The following SRPX variants were observed in gnomAD, a reference collection of about 807,000 sequenced individuals.
SRPX encodes the protein sushi repeat-containing protein SRPX.
A neutral mutation model predicts 38.1 loss-of-function variants in SRPX; 24 were observed. That is an observed-to-expected ratio of 0.63 (90% CI 0.46 to 0.89). The LOEUF (loss-of-function observed/expected upper bound fraction) is 0.89, where lower values mean the gene tolerates loss of function less well. Ranked by LOEUF, SRPX falls within the 40% of genes least tolerant of loss-of-function variation. The pLI is 0.00. For missense variants in SRPX, 416 were observed against 377.8 expected (o/e 1.10, Z -0.84); for synonymous variants, 184 against 153.8 (o/e 1.20, Z -1.45).
Position 38,220,715 on chromosome X carries a change from C to T in SRPX, c.78G>A (p.Pro26=). The T allele has an allele frequency of 1.7e-6, 2 of 1,168,989 alleles. No homozygotes were observed. The highest frequency in any genetic ancestry group is 1.1e-6 in the Non-Finnish European group (1 of 878,595). ...TCCTACCTGGGAAGCTGCGGCTGGG[C>T]GGGACGCGCAGCAGCAGCAGCAGCA... The part of the protein sequence containing the change: ...PLLLLLLLRV[P]PSRSFPGSGD... Residue 26 remains proline, a synonymous_variant, in exon 1 of 10, where the codon CCG becomes CCA. Coordinates refer to ENST00000378533, the MANE Select transcript of SRPX (RefSeq NM_006307.5).
intron 1 of SRPX, among the ~76,000 whole-genome samples, chrX:38,220,259 G>T (rs980090306): frequency 8.8e-6 from 1 of 113,802 alleles, no homozygotes; most frequent in African/African-American, 3.2e-5. Context: ...CAAGGGGGTA[G>T]CCTGGGACGT....
At chrX:38,171,176 G>A (rs1439804393) in intron 4 of SRPX, among the ~76,000 whole-genome samples, 1 of 111,190 alleles carries the variant, frequency 9.0e-6, no homozygotes, top group African/African-American at 3.3e-5. Flanking sequence ...TTTTTCCCAA[G>A]GTCCCTAGAG....
intron 3 of SRPX, among the ~76,000 whole-genome samples, chrX:38,173,701 C>T (rs762277570): frequency 8.9e-6 from 1 of 111,806 alleles, no homozygotes; most frequent in East Asian, 2.8e-4. Context: ...CCACCCGCCT[C>T]GGCCTCCCAA....
At chrX:38,199,596 T>A (rs983831644) in intron 1 of SRPX, among the ~76,000 whole-genome samples, 4 of 110,285 alleles carry the variant, frequency 3.6e-5, no homozygotes, top group Non-Finnish European at 5.7e-5. Context: ...CTCAGGAGCC[T>A]TAGTTTCTTC....
chrX:38,180,195 C>T (rs1938642129), intron 1 of SRPX, among the ~76,000 whole-genome samples: 1 of 111,588 alleles, frequency 9.0e-6, no homozygotes, highest in Non-Finnish European at 1.9e-5. Flanking sequence ...ATTTTGCCCT[C>T]GGTTGTCATC....
At chrX:38,206,327 T>C (rs1315860084) in intron 1 of SRPX, among the ~76,000 whole-genome samples, 3 of 112,187 alleles carry the variant, frequency 2.7e-5, no homozygotes, top group Admixed American at 1.9e-4. Context: ...GACAACACCA[T>C]GTGAACCAGA....
At chrX:38,173,986 T>C in intron 3 of SRPX, among the ~76,000 whole-genome samples, 174 bp downstream of exon 3, 1 of 112,315 alleles carries the variant, frequency 8.9e-6, no homozygotes, top group Non-Finnish European at 1.9e-5. Flanking sequence ...GATCATATCA[T>C]TCTCTCTGAG....
chrX:38,219,007 G>C (rs1228158857), intron 1 of SRPX, among the ~76,000 whole-genome samples: 1 of 111,049 alleles, frequency 9.0e-6, no homozygotes, highest in Non-Finnish European at 1.9e-5. Context: ...GCAGGAACAT[G>C]GTGGCTAAAA....
At chrX:38,150,248 A>AC (rs1355586101) in intron 9 of SRPX, among the ~76,000 whole-genome samples, 1 of 112,488 alleles carries the variant, frequency 8.9e-6, no homozygotes, top group Non-Finnish European at 1.9e-5. Context: ...CCACATACCA[A>AC]CGTTTGGTAC....
intron 1 of SRPX, among the ~76,000 whole-genome samples, chrX:38,199,174 A>C (rs931812177): frequency 1.1e-5 from 1 of 91,720 alleles, no homozygotes; most frequent in Non-Finnish European, 2.3e-5. Flanking sequence ...TGGGAGGCCG[A>C]GGCGGGTGGA....
chrX:38,188,000 G>A (rs1308195007), intron 1 of SRPX, among the ~76,000 whole-genome samples: 2 of 111,809 alleles, frequency 1.8e-5, no homozygotes, highest in Non-Finnish European at 3.8e-5. Flanking sequence ...TAGCTTTTCA[G>A]AGCACCAGCT....
At chrX:38,195,372 G>A (rs1938978902) in intron 1 of SRPX, among the ~76,000 whole-genome samples, 1 of 92,372 alleles carries the variant, frequency 1.1e-5, no homozygotes, top group Admixed American at 1.2e-4. Flanking sequence ...GGTAAGTAGA[G>A]GTGTTTGTGG....
intron 1 of SRPX, among the ~76,000 whole-genome samples, chrX:38,188,383 C>A (rs1167096388): frequency 1.8e-5 from 2 of 112,202 alleles, no homozygotes; most frequent in Non-Finnish European, 3.8e-5. Flanking sequence ...GCGATACCAA[C>A]CATCAACTAA....
intron 1 of SRPX, among the ~76,000 whole-genome samples, chrX:38,201,711 C>T (rs1013823812): frequency 5.5e-5 from 6 of 109,402 alleles, no homozygotes; most frequent in Admixed American, 1.9e-4. Flanking sequence ...CCCAGCTACT[C>T]GGGAGGCTGA....
At chrX:38,178,158 TC>T (rs2147099201) in intron 2 of SRPX, 126 bp downstream of exon 2, 2 of 407,428 alleles carry the variant, frequency 4.9e-6, no homozygotes, top group South Asian at 1.5e-4. Context: ...TATTTTTTTT[TC>T]CTTGATAGAT....
intron 1 of SRPX, among the ~76,000 whole-genome samples, chrX:38,219,605 T>C (rs1939479060): frequency 9.0e-6 from 1 of 111,674 alleles, no homozygotes; most frequent in Non-Finnish European, 1.9e-5. Flanking sequence ...TTCATTTATT[T>C]AGGTGCGTGC....
chrX:38,169,844 A>C (rs193127624), intron 4 of SRPX, among the ~76,000 whole-genome samples: 2 of 112,002 alleles, frequency 1.8e-5, no homozygotes, highest in Non-Finnish European at 3.8e-5. Flanking sequence ...TCATTGTTCT[A>C]TCTAAATGCC....
chrX:38,163,001 C>T (rs1487909637), intron 5 of SRPX, among the ~76,000 whole-genome samples: 1 of 111,285 alleles, frequency 9.0e-6, no homozygotes, highest in Non-Finnish European at 1.9e-5. Flanking sequence ...TAAAAACCTA[C>T]TACGTGCTGG....
chrX:38,177,898 T>C (rs1938594288), intron 2 of SRPX, among the ~76,000 whole-genome samples: 1 of 112,210 alleles, frequency 8.9e-6, no homozygotes, highest in Non-Finnish European at 1.9e-5. Context: ...CCTTCCCCAT[T>C]CATCTTAGTA....
Sources: gnomAD v4.1 joint callset for allele counts (sites outside exome capture counted in the v4.1 genomes callset) on GRCh38, gnomAD v4.1.1 for gene constraint, MANE v1.5 for transcripts, NCBI Gene and HGNC (gene_info 2026-07-23, HGNC 2026-07-21) for gene names.